OVGP1: variants seen among roughly 807,000 people sequenced by gnomAD.
OVGP1 encodes the protein oviduct-specific glycoprotein.
OVGP1 carries 26 observed loss-of-function variants against 48.2 expected under a neutral mutation model. The observed-to-expected ratio is 0.54, with a 90% CI of 0.40 to 0.75. The LOEUF (loss-of-function observed/expected upper bound fraction) is 0.75, where lower values mean the gene tolerates loss of function less well. Among genes scored for constraint, OVGP1 ranks in the 30% least tolerant of loss-of-function variants. OVGP1 has a pLI of 0.00. For synonymous variants in OVGP1, 294 were observed against 305.7 expected, an observed-to-expected ratio of 0.96 and a Z score of 0.40; for missense variants, 791 against 820.6, an observed-to-expected ratio of 0.96 and a Z score of 0.44.
At chr1:111,420,061 C>T (rs1652225799) in intron 8 of OVGP1, among the ~76,000 whole-genome samples, 1 of 152,190 alleles carries the variant, frequency 6.6e-6, no homozygotes, top group Non-Finnish European at 1.5e-5. Flanking sequence ...ATCTGTATCT[C>T]ATTCAAAGTG....
intron 6 of OVGP1, 86 bp downstream of exon 6, chr1:111,422,841 A>C: frequency 6.6e-7 from 1 of 1,522,722 alleles, no homozygotes; most frequent in South Asian, 1.1e-5. Flanking sequence ...GAGCTCAAAA[A>C]CAGTGCTTGG....
At chr1:111,422,391 T>G (rs745550420) in intron 6 of OVGP1, among the ~76,000 whole-genome samples, 1 of 152,228 alleles carries the variant, frequency 6.6e-6, no homozygotes, top group Non-Finnish European at 1.5e-5. Context: ...CTGTAAATAC[T>G]TGATTCTCAA....
intron 6 of OVGP1, 149 bp downstream of exon 6, chr1:111,422,778 A>T: frequency 2.4e-6 from 2 of 828,812 alleles, no homozygotes; most frequent in Non-Finnish European, 3.9e-6. Context: ...CTCCCCACCC[A>T]TGCTCCTCAG....
intron 8 of OVGP1, among the ~76,000 whole-genome samples, chr1:111,421,027 C>A (rs1197497367): frequency 6.6e-6 from 1 of 152,150 alleles, no homozygotes; most frequent in East Asian, 1.9e-4. Context: ...CATATAAGAT[C>A]ATTTTTGGGG....
rs182874953 is a variant in OVGP1, at chr1:111,426,581, G to A, written c.116C>T (p.Ala39Val). The A allele has an allele frequency of 3.1e-6, 5 of 1,614,122 alleles. No homozygotes were observed. Among genetic ancestry groups the A allele is most frequent in the Admixed American group, 1.7e-5 (1 of 60,020 alleles). Residue 39 changes from alanine to valine, a missense_variant, in exon 3 of 11, where the codon GCC becomes GTC. Physicochemically the swap from Ala to Val is moderately conservative, Grantham distance 64. Coordinates refer to ENST00000369732, the MANE Select transcript of OVGP1 (RefSeq NM_002557.4). The stretch of plus-strand genomic sequence containing the variant: ...GTCCAGGTCATGGGGCAAGATCGAG[G>A]CAGGGCCTGGCCGACTGTGTGCCCA... The part of the protein sequence containing the change: ...TNWAHSRPGP[A>V]SILPHDLDPF...
At chr1:111,421,975 C>G (rs1652282142) in intron 6 of OVGP1, among the ~76,000 whole-genome samples, 1 of 152,182 alleles carries the variant, frequency 6.6e-6, no homozygotes, top group Non-Finnish European at 1.5e-5. Context: ...CACAAATGGT[C>G]ATGAGTAAAA....
At chr1:111,425,314 C>T (rs899752290) in intron 4 of OVGP1, 69 bp downstream of exon 4, 1 of 1,589,778 alleles carries the variant, frequency 6.3e-7, no homozygotes, top group African/African-American at 1.3e-5. Context: ...CTGCCTTCCC[C>T]CTCTGTCTTC....
intron 5 of OVGP1, 144 bp downstream of exon 5, chr1:111,423,399 T>A: frequency 1.1e-6 from 1 of 871,186 alleles, no homozygotes; most frequent in East Asian, 2.6e-5. Context: ...TTACAGGTAT[T>A]ACCCTCCAGG....
chr1:111,421,459 T>C lies in OVGP1; in HGVS notation c.720A>G (p.Ala240=), dbSNP rs1022350796. ...GCTTTCTCCAATAATTCATAGCATA[T>C]GCCTGCAGGTAAGAAGAATCCAGAC... ...FSLPEDPKSS[A]YAMNYWRKLG... is the part of the protein sequence containing the mutation. Residue 240 remains alanine, a splice_region_variant and synonymous_variant, in exon 8 of 11, where the codon GCA becomes GCG. Coordinates refer to ENST00000369732, the MANE Select transcript of OVGP1 (RefSeq NM_002557.4). 3.7e-6 allele frequency: 6 copies of C among 1,610,410 alleles called. No homozygotes were observed. Among genetic ancestry groups the C allele is most frequent in the East Asian group, 4.5e-5 (2 of 44,880 alleles).
At chr1:111,418,171 C>T (rs1652179628) in intron 9 of OVGP1, among the ~76,000 whole-genome samples, 2 of 152,298 alleles carry the variant, frequency 1.3e-5, no homozygotes, top group East Asian at 1.9e-4. Context: ...CCATCCCCAA[C>T]CTGGCTTCAT....
intron 10 of OVGP1, among the ~76,000 whole-genome samples, 190 bp downstream of exon 10, chr1:111,416,133 G>C (rs1012832067): frequency 3.9e-5 from 6 of 152,090 alleles, no homozygotes; most frequent in Admixed American, 3.3e-4. Context: ...TAGAACAAAG[G>C]AAGCTCAAAG....
chr1:111,421,387 T>G lies in OVGP1; in HGVS notation c.792A>C (p.Gly264=). 1 of 1,614,084 alleles carries G rather than the reference T, an allele frequency of 6.2e-7. No individual in the cohort carries two copies. Among genetic ancestry groups the G allele is most frequent in the Non-Finnish European group, 8.5e-7 (1 of 1,179,996 alleles). The change falls in exon 8 of 11, where the codon GGA becomes GGC. Residue 264 remains glycine, a synonymous_variant. Coordinates refer to ENST00000369732, the MANE Select transcript of OVGP1 (RefSeq NM_002557.4). ...EKLIMGIPTY[G]RTFRLLKASK... is the part of the protein sequence containing the mutation. Reference sequence around the variant, plus strand: ...AGGCTTTGAGGAGGCGAAAGGTACGTCCATAGGTGGGGATCCCCATGATGA... The same window carrying G: ...AGGCTTTGAGGAGGCGAAAGGTACGGCCATAGGTGGGGATCCCCATGATGA...
intron 6 of OVGP1, among the ~76,000 whole-genome samples, chr1:111,422,330 AC>A (rs1209940843): frequency 1.3e-5 from 2 of 152,174 alleles, no homozygotes; most frequent in Non-Finnish European, 1.5e-5. Context: ...ACACTCATAC[AC>A]AGGAACATCC....
intron 8 of OVGP1, among the ~76,000 whole-genome samples, chr1:111,420,580 G>A (rs549990727): frequency 6.6e-6 from 1 of 152,292 alleles, no homozygotes; most frequent in East Asian, 1.9e-4. Flanking sequence ...GGATTTTCCT[G>A]TGCTTCAAAC....
Position 111,425,370 on chromosome 1 carries a change from A to T in OVGP1, c.317+13T>A. 6.2e-7 allele frequency: 1 copy of T among 1,613,706 alleles called. No individual in the cohort carries two copies. Among genetic ancestry groups the T allele is most frequent in the African/African-American group, 1.3e-5 (1 of 75,040 alleles). ...ACCCTCCCAGGGAGAAGAGAATAAC[A>T]GCAAAGTCTCACCTTGAGGTGCCAA... is the stretch of plus-strand genomic sequence containing the variant. On this transcript the variant is annotated intron_variant, in intron 4 of 10. Transcript: ENST00000369732.
At chr1:111,426,812 C>T (rs1028375234) in intron 2 of OVGP1, 171 bp from the exon 3 acceptor site, 7 of 1,547,106 alleles carry the variant, frequency 4.5e-6, no homozygotes, top group East Asian at 2.4e-5. Context: ...TCCTCCCCCA[C>T]TGCTGAGGTC....
In OVGP1 at chr1:111,425,457, G is replaced by C. The variant is rs756999890; in HGVS notation, c.261-18C>G. ...CTCTGTTCCTATGATGTGAGAGAGAGGGTTGATGAGCTGGGTTCTTCACTC... is the reference window on the plus strand; with the variant it reads ...CTCTGTTCCTATGATGTGAGAGAGACGGTTGATGAGCTGGGTTCTTCACTC... On this transcript the variant is annotated intron_variant, in intron 3 of 10. Transcript: ENST00000369732. 1 of 1,614,028 alleles carries C rather than the reference G, an allele frequency of 6.2e-7. No homozygotes were observed. Among genetic ancestry groups the C allele is most frequent in the South Asian group, 1.1e-5 (1 of 91,078 alleles).
At position 111,415,221 on chromosome 1, in the gene OVGP1, C is replaced by T. The variant is rs764446920; in HGVS notation, c.1280G>A (p.Gly427Glu). 19 of 1,614,088 alleles carry T rather than the reference C, an allele frequency of 1.2e-5. No individual in the cohort carries two copies. The highest frequency in any genetic ancestry group is 5.3e-5 in the African/African-American group (4 of 74,922). ...GATCTCAGTGACCCCAGCCTCTCCT[C>T]CTGGGGGCAAAATCTTACTATCAGT... Reference protein sequence around the residue: ...WTTDSKILPPGGEAGVTEIHG... With the variant: ...WTTDSKILPPEGEAGVTEIHG... The change falls in exon 11 of 11, where the codon GGA (glycine) becomes GAA (glutamate). Residue 427 changes from glycine to glutamate, a missense_variant. Transcript: ENST00000369732.
At chr1:111,425,337 C>G (rs1260666749) in intron 4 of OVGP1, 46 bp downstream of exon 4, 2 of 1,611,110 alleles carry the variant, frequency 1.2e-6, no homozygotes, top group South Asian at 2.2e-5. Flanking sequence ...GTCTAACCAG[C>G]CTGCTCCACC....
Sources: gnomAD v4.1 joint callset for allele counts (sites outside exome capture counted in the v4.1 genomes callset) on GRCh38, gnomAD v4.1.1 for gene constraint, MANE v1.5 for transcripts, NCBI Gene and HGNC (gene_info 2026-07-23, HGNC 2026-07-21) for gene names.